PTPRM: variants seen among roughly 807,000 people sequenced by gnomAD.
The protein encoded by PTPRM is receptor-type tyrosine-protein phosphatase mu.
In PTPRM, 47 loss-of-function variants were observed where a neutral mutation model predicts 186.7. The observed-to-expected ratio is 0.25, with a 90% CI of 0.20 to 0.32. The LOEUF (loss-of-function observed/expected upper bound fraction) is 0.32, where lower values mean the gene tolerates loss of function less well. PTPRM is among the 10% of genes least tolerant of loss of function. The pLI is 1.00. For synonymous variants in PTPRM, 668 were observed against 674.9 expected (o/e 0.99, Z 0.16); for missense variants, 1,494 against 1,865.0 (o/e 0.80, Z 3.66).
intron 11 of PTPRM, among the ~76,000 whole-genome samples, chr18:8,095,392 G>A (rs1568332595): frequency 6.6e-6 from 1 of 152,018 alleles, no homozygotes; most frequent in Non-Finnish European, 1.5e-5. Context: ...AGACAGGTTG[G>A]CTCCATGAAG....
At chr18:8,391,700 C>T (rs1005861349) in intron 31 of PTPRM, among the ~76,000 whole-genome samples, 1 of 152,150 alleles carries the variant, frequency 6.6e-6, no homozygotes, top group African/African-American at 2.4e-5. Context: ...ATTGACTGAG[C>T]TGTCTACTTA....
chr18:8,280,404 CG>C (rs749438208), intron 19 of PTPRM, among the ~76,000 whole-genome samples: 39 of 36,528 alleles, frequency 1.1e-3, no homozygotes, highest in Non-Finnish European at 1.9e-3. Flanking sequence ...AATTTGTGGT[CG>C]GGGGTGGGGG....
At chr18:7,710,272 A>T (rs1365986770) in intron 1 of PTPRM, among the ~76,000 whole-genome samples, 1 of 152,246 alleles carries the variant, frequency 6.6e-6, no homozygotes, top group Non-Finnish European at 1.5e-5. Flanking sequence ...GATACATCAC[A>T]TAAACAGAAT....
At chr18:8,016,647 T>C (rs765257091) in intron 7 of PTPRM, among the ~76,000 whole-genome samples, 25 of 152,046 alleles carry the variant, frequency 1.6e-4, no homozygotes, top group Non-Finnish European at 2.9e-4. Flanking sequence ...TGATTTCAGA[T>C]TGGTGTAGGG....
chr18:8,301,215 A>G (rs927389855), intron 20 of PTPRM, among the ~76,000 whole-genome samples: 1 of 152,236 alleles, frequency 6.6e-6, no homozygotes, highest in African/African-American at 2.4e-5. Context: ...GTGTTTGCAT[A>G]TAAAATAGTT....
chr18:7,657,559 A>G (rs1197921391), intron 1 of PTPRM, among the ~76,000 whole-genome samples: 2 of 152,188 alleles, frequency 1.3e-5, no homozygotes, highest in Non-Finnish European at 1.5e-5. Flanking sequence ...AGAATGACAG[A>G]ACACACACAC....
chr18:8,368,206 A>C (rs548144228), intron 23 of PTPRM, among the ~76,000 whole-genome samples: 1 of 151,148 alleles, frequency 6.6e-6, no homozygotes, highest in South Asian at 2.1e-4. Context: ...TGTCCCATAA[A>C]AGCATCTTTG....
chr18:8,003,390 A>G (rs1568167029), intron 7 of PTPRM, among the ~76,000 whole-genome samples: 1 of 152,190 alleles, frequency 6.6e-6, no homozygotes, highest in African/African-American at 2.4e-5. Flanking sequence ...TAAATTACCC[A>G]GTCTTGGGTA....
rs558023083 is a variant in PTPRM at position 8,278,446 on chromosome 18, G to T, written c.2755-17922G>T. Among the ~76,000 whole-genome samples the T allele has an allele frequency of 3.3e-5, 5 of 152,298 alleles. No individual in the cohort carries two copies. In the East Asian group the frequency reaches 9.6e-4, roughly 29 times the overall value. ...AAGCTTATGCAAAACAGAAAGTGAA[G>T]AGGCATTTTGCAGAAAACTAAATTA... On this transcript the variant is annotated intron_variant, in intron 19 of 32. Coordinates refer to ENST00000580170, the MANE Select transcript of PTPRM (RefSeq NM_001105244.2).
chr18:7,885,111 C>T (rs2048719476), intron 2 of PTPRM, among the ~76,000 whole-genome samples: 1 of 151,876 alleles, frequency 6.6e-6, no homozygotes, highest in African/African-American at 2.4e-5. Flanking sequence ...CCCATGAGAC[C>T]ATCCTTGGCC....
intron 22 of PTPRM, among the ~76,000 whole-genome samples, chr18:8,329,024 A>G (rs186419721): frequency 1.5e-4 from 23 of 152,386 alleles, no homozygotes; most frequent in Non-Finnish European, 2.9e-4. Context: ...TATAGATGCC[A>G]TAAGGAAAAT....
chr18:7,772,355 CTTTCTTTCTTTCTT>C lies in PTPRM; in HGVS notation c.74-1792_74-1779del, dbSNP rs1598621157. The stretch of plus-strand genomic sequence containing the variant: ...TTCTTTTCTTTCTTTCTTTCTCTTT[CTTTCTTTCTTTCTT>C]TCTTTCTTTCTTTCTTTCTTTCTTT... On this transcript the variant is annotated intron_variant, in intron 1 of 32. Coordinates refer to ENST00000580170, the MANE Select transcript of PTPRM (RefSeq NM_001105244.2). Among the ~76,000 whole-genome samples, 15 of 27,360 alleles carry C rather than the reference CTTTCTTTCTTTCTT, an allele frequency of 5.5e-4. No individual in the cohort carries two copies. In the East Asian group the frequency reaches 0.035, roughly 64 times the overall value. 17.9% of individuals were successfully genotyped at this position (27,360 alleles called of 152,430 possible).
At position 7,679,058 on chromosome 18, in the gene PTPRM, T is replaced by C. The variant is rs1350136027; in HGVS notation, c.74-95091T>C. Among the ~76,000 whole-genome samples, 8 of 152,322 alleles carry C rather than the reference T, an allele frequency of 5.3e-5. 2 individuals are homozygous for C. Among genetic ancestry groups the C allele is most frequent in the Admixed American group, 5.2e-4 (8 of 15,300 alleles). On this transcript the variant is annotated intron_variant, in intron 1 of 32. Transcript: ENST00000580170. ...TGCCCAGCAGTGGATGCTCAGATCT[T>C]TTAATGTTTTTCTAATCTATCAGGT...
At chr18:7,940,038 G>A (rs909138310) in intron 5 of PTPRM, among the ~76,000 whole-genome samples, 3 of 152,108 alleles carry the variant, frequency 2.0e-5, no homozygotes, top group Non-Finnish European at 2.9e-5. Context: ...GGGAAAGGAC[G>A]GTAGGGGCAG....
chr18:7,931,589 T>C (rs1599579424), intron 5 of PTPRM, among the ~76,000 whole-genome samples: 1 of 152,246 alleles, frequency 6.6e-6, no homozygotes, highest in East Asian at 1.9e-4. Context: ...TAGTTCCAGC[T>C]ACTCAGGAGG....
At chr18:7,574,770 G>A (rs1182201094) in intron 1 of PTPRM, among the ~76,000 whole-genome samples, 8 of 152,196 alleles carry the variant, frequency 5.3e-5, no homozygotes, top group Non-Finnish European at 2.9e-5. Context: ...GGTGGCTCAC[G>A]CCTGTAATCC....
intron 1 of PTPRM, among the ~76,000 whole-genome samples, chr18:7,758,568 C>T (rs1306150267): frequency 6.6e-6 from 1 of 152,128 alleles, no homozygotes; most frequent in Non-Finnish European, 1.5e-5. Context: ...TTTTTGGAAA[C>T]ACTTCAAGTC....
At chr18:7,723,075 A>T (rs2040479184) in intron 1 of PTPRM, among the ~76,000 whole-genome samples, 1 of 152,206 alleles carries the variant, frequency 6.6e-6, no homozygotes, top group South Asian at 2.1e-4. Flanking sequence ...CTAAGTTGTG[A>T]ATCTAGATCA....
At chr18:7,888,084 C>T (rs144100160) in intron 2 of PTPRM, 22 bp from the exon 3 acceptor site, 4 of 1,614,044 alleles carry the variant, frequency 2.5e-6, no homozygotes, top group Non-Finnish European at 3.4e-6. Flanking sequence ...GGGTATGACT[C>T]TCCTTGATTT....
Sources: gnomAD v4.1 joint callset for allele counts (sites outside exome capture counted in the v4.1 genomes callset) on GRCh38, gnomAD v4.1.1 for gene constraint, MANE v1.5 for transcripts, NCBI Gene and HGNC (gene_info 2026-07-23, HGNC 2026-07-21) for gene names.